Variants in PIGL observed in about 807,000 individuals in gnomAD.
PIGL encodes N-acetylglucosaminyl-phosphatidylinositol de-N-acetylase.
Under a neutral mutation model 31.1 loss-of-function variants are expected in PIGL, and 22 were observed. That is an observed-to-expected ratio of 0.71 (90% CI 0.51 to 1.01). The LOEUF is 1.01. Ranked by LOEUF, PIGL falls within the 50% of genes least tolerant of loss-of-function variation. The probability of loss-of-function intolerance (pLI) is 0.00; values close to 1 mark genes in which losing one functional copy is unlikely to be tolerated. For missense variants in PIGL, 302 were observed against 315.9 expected, an observed-to-expected ratio of 0.96 and a Z score of 0.33; for synonymous variants, 131 against 117.4, an observed-to-expected ratio of 1.12 and a Z score of -0.75.
At chr17:16,233,505 A>G (rs771939181) in intron 1 of PIGL, among the ~76,000 whole-genome samples, 15 of 152,148 alleles carry the variant, frequency 9.9e-5, no homozygotes, top group Non-Finnish European at 2.1e-4. Context: ...AATACTCAGG[A>G]GTAGCAACCT....
chr17:16,296,620 A>T (rs1600836884), intron 2 of PIGL, among the ~76,000 whole-genome samples: 3 of 151,348 alleles, frequency 2.0e-5, no homozygotes, highest in Non-Finnish European at 4.4e-5. Flanking sequence ...AAAAAAAAAA[A>T]AGAAAAAAGA....
At chr17:16,267,094 C>T (rs1410111663) in intron 2 of PIGL, among the ~76,000 whole-genome samples, 1 of 152,154 alleles carries the variant, frequency 6.6e-6, no homozygotes, top group East Asian at 1.9e-4. Flanking sequence ...AGATTAGATT[C>T]CCCAAACCAC....
chr17:16,266,761 A>T (rs2092845299), intron 2 of PIGL, among the ~76,000 whole-genome samples: 1 of 151,198 alleles, frequency 6.6e-6, no homozygotes, highest in African/African-American at 2.4e-5. Flanking sequence ...ATGCCCAGCT[A>T]ATTTTTTTTG....
chr17:16,320,260 A>G (rs1600868203), intron 6 of PIGL, among the ~76,000 whole-genome samples: 1 of 80,484 alleles, frequency 1.2e-5, no homozygotes. Flanking sequence ...GAAAGGAGGG[A>G]GGAAGGGGAG....
At position 16,326,370 on chromosome 17, in the gene PIGL, A is replaced by G. The variant is rs2093127239; in HGVS notation, c.*472A>G. The G allele has an allele frequency of 6.3e-6, 1 of 159,090 alleles. No homozygotes were observed. The highest frequency in any genetic ancestry group is 1.4e-5 in the Non-Finnish European group (1 of 72,428). 9.9% of individuals were successfully genotyped at this position (159,090 alleles called of 1,614,324 possible). On this transcript the variant is annotated 3_prime_UTR_variant, in exon 7 of 7. Coordinates refer to ENST00000225609, the MANE Select transcript of PIGL (RefSeq NM_004278.4). ...TCATAATTCCTTTGATTTTTCTTGTATCAGAATGTGGGTCTAGGAAAAACT... is the reference window on the plus strand; with the variant it reads ...TCATAATTCCTTTGATTTTTCTTGTGTCAGAATGTGGGTCTAGGAAAAACT...
chr17:16,320,686 G>A (rs925464417), intron 6 of PIGL, among the ~76,000 whole-genome samples: 3 of 152,136 alleles, frequency 2.0e-5, no homozygotes, highest in Non-Finnish European at 4.4e-5. Context: ...CCAGGCTGGA[G>A]TGCAGTGGCA....
At chr17:16,297,667 A>G (rs2092988315) in intron 2 of PIGL, among the ~76,000 whole-genome samples, 1 of 152,206 alleles carries the variant, frequency 6.6e-6, no homozygotes, top group African/African-American at 2.4e-5. Flanking sequence ...TCCAGGAAAC[A>G]AAACTGAACT....
chr17:16,290,415 C>T (rs866323473), intron 2 of PIGL, among the ~76,000 whole-genome samples: 3 of 150,574 alleles, frequency 2.0e-5, no homozygotes, highest in African/African-American at 7.3e-5. Context: ...TCTTTTGAGA[C>T]AGGGTCTCAT....
At chr17:16,250,164 C>T (rs966389963) in intron 2 of PIGL, among the ~76,000 whole-genome samples, 1 of 152,138 alleles carries the variant, frequency 6.6e-6, no homozygotes, top group Non-Finnish European at 1.5e-5. Flanking sequence ...TCAGGCTGGT[C>T]TCGAACTCCT....
chr17:16,322,025 C>T (rs916088847), intron 6 of PIGL, among the ~76,000 whole-genome samples: 1 of 152,112 alleles, frequency 6.6e-6, no homozygotes, highest in South Asian at 2.1e-4. Context: ...CTCAGGTGAT[C>T]GCCCACCTCA....
chr17:16,217,514 G>A, intron 1 of PIGL, 53 bp downstream of exon 1: 1 of 1,395,212 alleles, frequency 7.2e-7, no homozygotes. Context: ...AGGGATTTAA[G>A]TGCTAACCGA....
chr17:16,286,715 A>G (rs2092939487), intron 2 of PIGL, among the ~76,000 whole-genome samples: 2 of 152,094 alleles, frequency 1.3e-5, no homozygotes, highest in African/African-American at 4.8e-5. Context: ...CACTTAAAAG[A>G]CTGGCAAGAG....
chr17:16,227,876 G>A (rs958942624), intron 1 of PIGL, among the ~76,000 whole-genome samples: 23 of 151,800 alleles, frequency 1.5e-4, no homozygotes, highest in African/African-American at 5.6e-4. Flanking sequence ...ACTGCACCCA[G>A]CCTTTTTAAT....
chr17:16,259,913 C>G (rs574253469), intron 2 of PIGL, among the ~76,000 whole-genome samples: 13 of 152,306 alleles, frequency 8.5e-5, no homozygotes, highest in African/African-American at 3.1e-4. Context: ...CCTGCCCCCA[C>G]AGGCTCAAAA....
chr17:16,224,383 T>G (rs2092642567), intron 1 of PIGL, among the ~76,000 whole-genome samples: 1 of 151,910 alleles, frequency 6.6e-6, no homozygotes, highest in African/African-American at 2.4e-5. Flanking sequence ...CTTGGCTCAC[T>G]GTAGCCTCCG....
At chr17:16,293,885 G>A (rs1288685622) in intron 2 of PIGL, among the ~76,000 whole-genome samples, 1 of 152,190 alleles carries the variant, frequency 6.6e-6, no homozygotes, top group Non-Finnish European at 1.5e-5. Context: ...CTAAGCTATA[G>A]TTGGTAGAGG....
intron 2 of PIGL, among the ~76,000 whole-genome samples, chr17:16,275,416 G>A (rs1350412390): frequency 6.6e-6 from 1 of 152,178 alleles, no homozygotes; most frequent in Non-Finnish European, 1.5e-5. Flanking sequence ...TGTTTTATCA[G>A]TAAGGTCTTT....
chr17:16,290,654 G>A (rs1252396270), intron 2 of PIGL, among the ~76,000 whole-genome samples: 1 of 152,106 alleles, frequency 6.6e-6, no homozygotes, highest in East Asian at 1.9e-4. Context: ...AAAGTCCTAG[G>A]ATTACAGGCA....
At chr17:16,251,609 G>A (rs1436802479) in intron 2 of PIGL, among the ~76,000 whole-genome samples, 1 of 150,622 alleles carries the variant, frequency 6.6e-6, no homozygotes, top group Non-Finnish European at 1.5e-5. Flanking sequence ...AAGAAAAGAA[G>A]GCATAATCTC....
Sources: allele counts gnomAD v4.1 joint callset (sites outside exome capture counted in the v4.1 genomes callset), GRCh38; gene constraint gnomAD v4.1.1; transcripts MANE v1.5; gene names NCBI Gene and HGNC (gene_info 2026-07-23, HGNC 2026-07-21).